Variants in CASKIN2 observed in about 807,000 individuals in gnomAD.
CASKIN2 encodes the protein CASK interacting protein 2, also known as caskin-2.
A neutral mutation model predicts 107.1 loss-of-function variants in CASKIN2; 41 were observed. The ratio of observed to expected loss-of-function variants is 0.38; its 90% CI spans 0.30 to 0.50. The LOEUF (loss-of-function observed/expected upper bound fraction) is 0.50. Ranked by LOEUF, CASKIN2 falls within the 20% of genes least tolerant of loss-of-function variation. The probability of loss-of-function intolerance (pLI) is 0.92; values close to 1 mark genes in which losing one functional copy is unlikely to be tolerated. For missense variants in CASKIN2, 1,546 were observed against 1,657.4 expected, an observed-to-expected ratio of 0.93 and a Z score of 1.17; for synonymous variants, 724 against 705.6, an observed-to-expected ratio of 1.03 and a Z score of -0.41.
chr17:75,504,890 G>T lies in CASKIN2; in HGVS notation c.1114C>A (p.Gln372Lys). Reference protein sequence around the residue: ...PLRPGFSRTPQPPAEEPPHPL... With the variant: ...PLRPGFSRTPKPPAEEPPHPL... ...TGCGGGGGTTCTTCGGCAGGAGGCT[G>T]CGGTGTCCGGGAGAAGCCTGGGCGC... is the stretch of plus-strand genomic sequence containing the variant. The change falls in exon 11 of 20, where the codon CAG becomes AAG. Residue 372 changes from glutamine to lysine, a missense_variant. Around this residue, in one of 6 missense-constraint regions of CASKIN2, gnomAD observed 1,311 missense variants for 1,311.0 expected, o/e 1.00. Transcript: ENST00000321617. 3.7e-6 allele frequency: 6 copies of T among 1,610,430 alleles called. No homozygotes were observed. Among genetic ancestry groups the T allele is most frequent in the Non-Finnish European group, 5.1e-6 (6 of 1,178,646 alleles).
At position 75,502,473 on chromosome 17, in the gene CASKIN2, G is replaced by A. The variant is rs767534522; in HGVS notation, c.2601C>T (p.Gly867=). ...GGCGCTTGGGGGGCGGGGGCGGGGG[G>A]CCTTTGCGCCGGGCCCGCAGGGCAA... is the stretch of plus-strand genomic sequence containing the variant. The part of the protein sequence containing the change: ...QSFALRARRK[G]PPPPPPKRLS... Residue 867 remains glycine, a synonymous_variant, in exon 18 of 20, where the codon GGC becomes GGT. Coordinates refer to ENST00000321617, the MANE Select transcript of CASKIN2 (RefSeq NM_020753.5). The surrounding 1 kb of genome is among the most constrained non-coding windows in gnomAD (Gnocchi z 4.3). 7 of 1,437,608 alleles carry A rather than the reference G, an allele frequency of 4.9e-6. No homozygotes were observed. The East Asian group carries it at 1.3e-4, about 26-fold the overall frequency. 89.1% of individuals were successfully genotyped at this position (1,437,608 alleles called of 1,614,324 possible). A position where few individuals can be genotyped will look rare whatever the true frequency, so the allele number is the denominator to read the frequency against.
intron 2 of CASKIN2, among the ~76,000 whole-genome samples, chr17:75,510,725 G>A (rs1379264540): frequency 6.6e-6 from 1 of 152,036 alleles, no homozygotes; most frequent in Admixed American, 6.6e-5. Context: ...TGAATAGGCG[G>A]GACTACAGGC....
chr17:75,504,468 C>T lies in CASKIN2; in HGVS notation c.1327G>A (p.Ala443Thr). The change falls in exon 13 of 20, where the codon GCT becomes ACT. Residue 443 changes from alanine (A) to threonine (T), a missense_variant. Transcript: ENST00000321617. The stretch of plus-strand genomic sequence containing the variant: ...CCTGGCAGCACCTGGTCCTCTCCAG[C>T]AGAGGGCAGTGGCTGGAGGAGACAG... Reference protein sequence around the residue: ...LIENAQPLPSAGEDQVLPGLH... With the variant: ...LIENAQPLPSTGEDQVLPGLH... The T allele has an allele frequency of 6.2e-7, 1 of 1,607,906 alleles. No homozygotes were observed. The highest frequency in any genetic ancestry group is 1.3e-5 in the African/African-American group (1 of 74,958).
Position 75,504,918 on chromosome 17 carries a change from G to T in CASKIN2, c.1086C>A (p.Pro362=). 6.2e-7 allele frequency: 1 copy of T among 1,609,884 alleles called. No individual in the cohort carries two copies. The change falls in exon 11 of 20, where the codon CCC becomes CCA. Residue 362 remains proline, a synonymous_variant. Transcript: ENST00000321617. The stretch of plus-strand genomic sequence containing the variant: ...GTGTCCGGGAGAAGCCTGGGCGCAG[G>T]GGGGTGGGTGCGGAGGGGAGGCGGG... The part of the protein sequence containing the change: ...PAARLPSAPT[P]LRPGFSRTPQ...
rs781043581 is a variant in CASKIN2, at chr17:75,502,085, G to A, written c.2989C>T (p.Arg997Trp). The stretch of plus-strand genomic sequence containing the variant: ...GCGGTCTGCAGTGGCTCTCTCTCCC[G>A]GCACTTGGGCCTCCGCTTAACAGTG... The part of the protein sequence containing the change: ...SDTVKRRPKC[R>W]EREPLQTALL... The change falls in exon 18 of 20, where the codon CGG becomes TGG. Residue 997 changes from arginine (R) to tryptophan (W), a missense_variant. This residue lies in a region of CASKIN2 where 1,311 missense variants were observed against 1,311.0 expected (regional missense o/e 1.00). Coordinates refer to ENST00000321617, the MANE Select transcript of CASKIN2 (RefSeq NM_020753.5). The surrounding 1 kb of genome is among the most constrained non-coding windows in gnomAD (Gnocchi z 4.3). The A allele has an allele frequency of 4.3e-6, 7 of 1,610,738 alleles. No homozygotes were observed. Among genetic ancestry groups the A allele is most frequent in the African/African-American group, 2.7e-5 (2 of 75,014 alleles).
intron 2 of CASKIN2, among the ~76,000 whole-genome samples, chr17:75,510,139 C>A (rs1186196359): frequency 1.3e-5 from 2 of 152,202 alleles, no homozygotes; most frequent in African/African-American, 4.8e-5. Context: ...AGGATGTGAG[C>A]TCAGCCGGCC....
chr17:75,504,874 T>C lies in CASKIN2; in HGVS notation c.1130A>G (p.Glu377Gly). The C allele has an allele frequency of 6.2e-7, 1 of 1,610,618 alleles. No individual in the cohort carries two copies. The highest frequency in any genetic ancestry group is 8.5e-7 in the Non-Finnish European group (1 of 1,178,996). Reference protein sequence around the residue: ...FSRTPQPPAEEPPHPLTYSQL... With the variant: ...FSRTPQPPAEGPPHPLTYSQL... ...GCTGTAGGTAAGAGGGTGCGGGGGT[T>C]CTTCGGCAGGAGGCTGCGGTGTCCG... Residue 377 changes from glutamate (E) to glycine (G), a missense_variant, in exon 11 of 20, where the codon GAA (glutamate) becomes GGA (glycine). Physicochemically the swap from Glu to Gly is moderately conservative, Grantham distance 98. Around this residue, in one of 6 missense-constraint regions of CASKIN2, gnomAD observed 1,311 missense variants for 1,311.0 expected, o/e 1.00. Transcript: ENST00000321617.
chr17:75,502,260 C>A lies in CASKIN2; in HGVS notation c.2814G>T (p.Gly938=). 2 of 1,539,456 alleles carry A rather than the reference C, an allele frequency of 1.3e-6. No individual in the cohort carries two copies. The highest frequency in any genetic ancestry group is 1.7e-4 in the Middle Eastern group (1 of 5,752). ...CAGAGCTGCCCCGAGATGGGGGCGT[C>A]CCCTCAGGGCCTGGCTCCTCCTCCT... The part of the protein sequence containing the change: ...DTEEEEPGPE[G]TPPSRGSSGE... Residue 938 remains glycine (G), a synonymous_variant, in exon 18 of 20, where the codon GGG becomes GGT. Coordinates refer to ENST00000321617, the MANE Select transcript of CASKIN2 (RefSeq NM_020753.5). This position sits in a 1 kb window ranked among gnomAD's most constrained non-coding sequence, Gnocchi z 4.3.
intron 14 of CASKIN2, 54 bp from the exon 15 acceptor site, chr17:75,504,016 C>T: frequency 2.6e-6 from 4 of 1,509,570 alleles, no homozygotes; most frequent in Non-Finnish European, 3.6e-6. Context: ...AAGGCCCTAG[C>T]CCCCACCAGG....
chr17:75,511,630 T>C (rs934669339), intron 2 of CASKIN2, among the ~76,000 whole-genome samples: 3 of 152,190 alleles, frequency 2.0e-5, no homozygotes, highest in Non-Finnish European at 1.5e-5. Flanking sequence ...CTCAGAGGAC[T>C]GGGAGGGGAG....
chr17:75,504,708 A>T lies in CASKIN2; in HGVS notation c.1193-15T>A. ...CCTGTCACCTGCTGTGGGGGGCAGAAGCCAAGGGGTCAGAGTCCCAAGTGT... is the reference window on the plus strand; with the variant it reads ...CCTGTCACCTGCTGTGGGGGGCAGATGCCAAGGGGTCAGAGTCCCAAGTGT... On this transcript the variant is annotated splice_polypyrimidine_tract_variant and intron_variant, in intron 11 of 19. Transcript: ENST00000321617. The T allele has an allele frequency of 2.5e-6, 4 of 1,584,714 alleles. No homozygotes were observed. Among genetic ancestry groups the T allele is most frequent in the Non-Finnish European group, 3.4e-6 (4 of 1,161,882 alleles).
rs563944924 is a variant in CASKIN2 at position 75,514,125 on chromosome 17, G to A, written c.-321C>T. 1.9e-5 allele frequency: 10 copies of A among 531,102 alleles called. No homozygotes were observed. Among genetic ancestry groups the A allele is most frequent in the Non-Finnish European group, 2.7e-5 (8 of 300,450 alleles). 32.9% of individuals were successfully genotyped at this position (531,102 alleles called of 1,614,324 possible). ...CTGGGCACACCAATCTTCCCGGCTT[G>A]GCTGTGGAACACCAGTGCCCACCCA... On this transcript the variant is annotated 5_prime_UTR_variant, in exon 2 of 20. Transcript: ENST00000321617.
Position 75,504,679 on chromosome 17 carries a change from T to C in CASKIN2, c.1207A>G (p.Ser403Gly). The stretch of plus-strand genomic sequence containing the variant: ...CCCACGCTGCCCTCACTGCCCACAC[T>C]ATTCCTGTCACCTGCTGTGGGGGGC... ...SPDSPAGDRN[S>G]VGSEGSVGSI... Residue 403 changes from serine to glycine, a missense_variant, in exon 12 of 20, where the codon AGT becomes GGT. Ser to Gly is a moderately conservative substitution (Grantham distance 56). Around this residue, in one of 6 missense-constraint regions of CASKIN2, gnomAD observed 1,311 missense variants for 1,311.0 expected, o/e 1.00. Transcript: ENST00000321617. 1 of 1,598,972 alleles carries C rather than the reference T, an allele frequency of 6.3e-7. No individual in the cohort carries two copies. The highest frequency in any genetic ancestry group is 8.5e-7 in the Non-Finnish European group (1 of 1,170,832).
In CASKIN2 at chr17:75,505,921, C is replaced by T; in HGVS notation, c.735G>A (p.Val245=). 1.9e-6 allele frequency: 3 copies of T among 1,613,412 alleles called. No individual in the cohort carries two copies. Among genetic ancestry groups the T allele is most frequent in the Non-Finnish European group, 2.5e-6 (3 of 1,179,880 alleles). The stretch of plus-strand genomic sequence containing the variant: ...TATACGTATTCCGGATGTTCACGTC[C>T]ACACCTCCCTGGGTGCACAGTGTCA... ...EVVRLLLEGG[V]DVNIRNTYNQ... The change falls in exon 9 of 20, where the codon GTG becomes GTA. Residue 245 remains valine, a synonymous_variant. Transcript: ENST00000321617. The surrounding 1 kb of genome is among the most constrained non-coding windows in gnomAD (Gnocchi z 5.1).
Position 75,500,625 on chromosome 17 carries a change from GGA to G in CASKIN2, c.*453_*454del, listed in dbSNP as rs2053164765. On this transcript the variant is annotated 3_prime_UTR_variant, in exon 20 of 20. Coordinates refer to ENST00000321617, the MANE Select transcript of CASKIN2 (RefSeq NM_020753.5). Reference sequence around the variant, plus strand: ...ATTTACATGTCCTCTGTACACCTACGGAGAGGGGGCCCGGCCAGACACACGCC... The same window carrying G: ...ATTTACATGTCCTCTGTACACCTACGGAGGGGGCCCGGCCAGACACACGCC... 2 of 216,272 alleles carry G rather than the reference GGA, an allele frequency of 9.2e-6. No homozygotes were observed. Among genetic ancestry groups the G allele is most frequent in the South Asian group, 1.2e-4 (2 of 16,578 alleles). The allele number at this position is 216,272 out of a possible 1,614,324, so 13.4% of individuals were successfully genotyped here.
In CASKIN2 at chr17:75,508,257, G is replaced by T; in HGVS notation, c.123C>A (p.Asn41Lys). 6.2e-7 allele frequency: 1 copy of T among 1,613,930 alleles called. No homozygotes were observed. The highest frequency in any genetic ancestry group is 8.5e-7 in the Non-Finnish European group (1 of 1,179,922). ...TKLLGSTKRL[N>K]VNYQDADGFS... Reference sequence around the variant, plus strand: ...ACCCATCAGCATCCTGGTAGTTCACGTTGAGCCTCTTTGTGGAGCCCAGGA... The same window carrying T: ...ACCCATCAGCATCCTGGTAGTTCACTTTGAGCCTCTTTGTGGAGCCCAGGA... The change falls in exon 3 of 20, where the codon AAC becomes AAA. Residue 41 changes from asparagine to lysine, a missense_variant. Asn to Lys is a moderately conservative substitution (Grantham distance 94, BLOSUM62 0). This residue lies in a region of CASKIN2 where 136 missense variants were observed against 198.6 expected (regional missense o/e 0.68). Coordinates refer to ENST00000321617, the MANE Select transcript of CASKIN2 (RefSeq NM_020753.5).
In CASKIN2 at chr17:75,504,577, C is replaced by T. The variant is rs1455862585; in HGVS notation, c.1309G>A (p.Ala437Thr). 9.4e-6 allele frequency: 15 copies of T among 1,597,574 alleles called. No individual in the cohort carries two copies. The highest frequency in any genetic ancestry group is 1.2e-5 in the Non-Finnish European group (14 of 1,168,462). Residue 437 changes from alanine (A) to threonine (T), a missense_variant, in exon 12 of 20, where the codon GCC becomes ACC. Around this residue, in one of 6 missense-constraint regions of CASKIN2, gnomAD observed 1,311 missense variants for 1,311.0 expected, o/e 1.00. Coordinates refer to ENST00000321617, the MANE Select transcript of CASKIN2 (RefSeq NM_020753.5). ...GHGPGLLIEN[A>T]QPLPSAGEDQ... ...CCGTGACCCCATCATCCTACCTGGG[C>T]GTTCTCAATCAGGAGGCCAGGGCCA... is the stretch of plus-strand genomic sequence containing the variant.
rs760386871 is a variant in CASKIN2 at position 75,502,232 on chromosome 17, C to T, written c.2842G>A (p.Glu948Lys). ...CCTTCCTCTGCAAACGGCAGCCCTT[C>T]CCCAGAGCTGCCCCGAGATGGGGGC... ...GTPPSRGSSG[E>K]GLPFAEEGNL... is the part of the protein sequence containing the mutation. The change falls in exon 18 of 20, where the codon GAA becomes AAA. Residue 948 changes from glutamate (E) to lysine (K), a missense_variant. Transcript: ENST00000321617. This position sits in a 1 kb window ranked among gnomAD's most constrained non-coding sequence, Gnocchi z 4.3. The T allele has an allele frequency of 2.7e-5, 43 of 1,578,350 alleles. 1 individual carries two copies. Among genetic ancestry groups the T allele is most frequent in the Non-Finnish European group, 2.9e-5 (34 of 1,167,700 alleles).
In CASKIN2 at chr17:75,506,571, C is replaced by T. The variant is rs1363295968; in HGVS notation, c.617+12G>A. On this transcript the variant is annotated intron_variant, in intron 7 of 19. Coordinates refer to ENST00000321617, the MANE Select transcript of CASKIN2 (RefSeq NM_020753.5). The surrounding 1 kb of genome is among the most constrained non-coding windows in gnomAD (Gnocchi z 4.8). The stretch of plus-strand genomic sequence containing the variant: ...GGCAGGTGATGAGGAAGCGAGGGGA[C>T]CCCAAGGGTACCTGATGACTTCTCT... The T allele has an allele frequency of 1.2e-6, 2 of 1,612,068 alleles. No homozygotes were observed. The highest frequency in any genetic ancestry group is 1.7e-5 in the Admixed American group (1 of 59,972).
Sources: gnomAD v4.1 joint callset for allele counts (sites outside exome capture counted in the v4.1 genomes callset) on GRCh38, gnomAD v4.1.1 for gene constraint, gnomAD v4.1.1 regional missense constraint, Gnocchi (gnomAD v3.1) non-coding constraint, MANE v1.5 for transcripts, NCBI Gene and HGNC (gene_info 2026-07-23, HGNC 2026-07-21) for gene names.